The following GRIK1 variants were observed in gnomAD, a reference collection of about 807,000 sequenced individuals.
The protein encoded by GRIK1 is glutamate receptor ionotropic, kainate 1.
A neutral mutation model predicts 105.7 loss-of-function variants in GRIK1; 69 were observed. The observed-to-expected ratio is 0.65, with a 90% CI of 0.54 to 0.80. The LOEUF (loss-of-function observed/expected upper bound fraction) is 0.80, where lower values mean the gene tolerates loss of function less well. Among genes scored for constraint, GRIK1 ranks in the 30% least tolerant of loss-of-function variants. The pLI is 0.00. For synonymous variants in GRIK1, 438 were observed against 431.3 expected (o/e 1.02, Z -0.19); for missense variants, 1,109 against 1,167.3 (o/e 0.95, Z 0.73).
chr21:29,739,629 A>G (rs1202111396), intron 1 of GRIK1, among the ~76,000 whole-genome samples: 1 of 152,202 alleles, frequency 6.6e-6, no homozygotes, highest in Non-Finnish European at 1.5e-5. Flanking sequence ...GTCTTCAGAC[A>G]TTTTTGTTCT....
At chr21:29,679,154 T>C (rs570687974) in intron 3 of GRIK1, among the ~76,000 whole-genome samples, 36 of 152,338 alleles carry the variant, frequency 2.4e-4, no homozygotes, top group Non-Finnish European at 4.3e-4. Flanking sequence ...GCGATTTTCA[T>C]TTCATGTATG....
chr21:29,600,367 T>C (rs1037290268), intron 7 of GRIK1, among the ~76,000 whole-genome samples: 8 of 152,154 alleles, frequency 5.3e-5, no homozygotes, highest in African/African-American at 1.9e-4. Flanking sequence ...AGAACTCACA[T>C]TGGGTATCTC....
chr21:29,722,655 G>A (rs1360796733), intron 1 of GRIK1, among the ~76,000 whole-genome samples: 2 of 151,244 alleles, frequency 1.3e-5, no homozygotes, highest in African/African-American at 4.9e-5. Context: ...TTAGGTGGTA[G>A]TTGAAAGATT....
intron 1 of GRIK1, among the ~76,000 whole-genome samples, chr21:29,935,265 C>T (rs573229549): frequency 2.2e-4 from 33 of 152,210 alleles, no homozygotes; most frequent in African/African-American, 7.7e-4. Context: ...AATGTGTCCA[C>T]GTGGAAAATC....
chr21:29,667,156 C>A (rs2063075512), intron 4 of GRIK1, among the ~76,000 whole-genome samples: 2 of 152,200 alleles, frequency 1.3e-5, no homozygotes, highest in Non-Finnish European at 2.9e-5. Context: ...TGTTTACCAT[C>A]CCTTAGCATA....
At chr21:29,613,608 A>T (rs549033281) in intron 7 of GRIK1, among the ~76,000 whole-genome samples, 3 of 152,176 alleles carry the variant, frequency 2.0e-5, no homozygotes, top group Admixed American at 6.5e-5. Context: ...CTATCTATCT[A>T]TCCATCCACC....
At chr21:29,629,219 T>TGTGTGG (rs1555853110) in intron 7 of GRIK1, among the ~76,000 whole-genome samples, 10,803 of 151,058 alleles carry the variant, frequency 0.072, 659 homozygotes, top group African/African-American at 0.15. Flanking sequence ...TGTGTGTGTG[T>TGTGTGG]GTGTGTGTGT....
At chr21:29,797,678 T>C (rs2066595946) in intron 1 of GRIK1, among the ~76,000 whole-genome samples, 1 of 152,232 alleles carries the variant, frequency 6.6e-6, no homozygotes, top group Non-Finnish European at 1.5e-5. Context: ...GGCAAAATTC[T>C]TCACTAATTT....
At chr21:29,901,971 A>G (rs2146263529) in intron 1 of GRIK1, among the ~76,000 whole-genome samples, 2 of 152,306 alleles carry the variant, frequency 1.3e-5, no homozygotes, top group Middle Eastern at 3.4e-3. Context: ...CTTCATCCCT[A>G]GGATGCAAGG....
intron 1 of GRIK1, among the ~76,000 whole-genome samples, chr21:29,805,442 G>A (rs1187898477): frequency 6.6e-6 from 1 of 152,060 alleles, no homozygotes; most frequent in Non-Finnish European, 1.5e-5. Flanking sequence ...AGTGTTATTA[G>A]CCAATAAATC....
Position 29,934,935 on chromosome 21 carries a change from C to T in GRIK1, c.118+4448G>A, listed in dbSNP as rs528202858. Among the ~76,000 whole-genome samples the T allele has an allele frequency of 1.2e-4, 18 of 152,296 alleles. No homozygotes were observed. The East Asian group carries it at 3.5e-3, about 29-fold the overall frequency. Reference sequence around the variant, plus strand: ...CATGTTAATATTAGTCAGGCACTCCCTTTTATATCACACTATCAGATACCT... The same window carrying T: ...CATGTTAATATTAGTCAGGCACTCCTTTTTATATCACACTATCAGATACCT... On this transcript the variant is annotated intron_variant, in intron 1 of 17. Coordinates refer to ENST00000327783, the MANE Select transcript of GRIK1 (RefSeq NM_001330994.2).
rs202086984 is a variant in GRIK1 at position 29,846,452 on chromosome 21, G to A, written c.118+92931C>T. 4.2e-3 allele frequency among the ~76,000 whole-genome samples: 477 copies of A among 114,386 alleles called. 4 individuals carry two copies. The highest frequency in any genetic ancestry group is 5.4e-3 in the Non-Finnish European group (303 of 55,690). The allele number at this position is 114,386 out of a possible 152,430, so 75.0% of individuals were successfully genotyped here. On this transcript the variant is annotated intron_variant, in intron 1 of 17. Transcript: ENST00000327783. ...AATAAAGAAGGAAAGAAGGAAAGAA[G>A]GAAAGAGAGAGAGAAAGAAAGAAAG...
At chr21:29,638,052 A>G (rs909248914) in intron 7 of GRIK1, among the ~76,000 whole-genome samples, 1 of 152,228 alleles carries the variant, frequency 6.6e-6, no homozygotes, top group African/African-American at 2.4e-5. Flanking sequence ...CACCAATAAC[A>G]GTAATAAGAA....
At chr21:29,620,877 C>A (rs1288428128) in intron 7 of GRIK1, among the ~76,000 whole-genome samples, 4 of 131,448 alleles carry the variant, frequency 3.0e-5, no homozygotes, top group African/African-American at 8.7e-5. Context: ...ATATTATTTC[C>A]TAGAGCAATG....
In GRIK1 at chr21:29,589,155, A is replaced by G. The variant is rs1167813084; in HGVS notation, c.1366-113T>C. On this transcript the variant is annotated intron_variant, in intron 10 of 17. Coordinates refer to ENST00000327783, the MANE Select transcript of GRIK1 (RefSeq NM_001330994.2). ...ATAATGATTTTGAAGAGCTGAGAGT[A>G]CTGAAGTCATTCACTCATCTGCCTG... The G allele has an allele frequency of 4.6e-6, 3 of 653,930 alleles. No individual in the cohort carries two copies. The Admixed American group carries it at 7.8e-5, about 17-fold the overall frequency. The allele number at this position is 653,930 out of a possible 1,614,324, so 40.5% of individuals were successfully genotyped here.
At chr21:29,779,015 A>T (rs1172721150) in intron 1 of GRIK1, among the ~76,000 whole-genome samples, 1 of 152,228 alleles carries the variant, frequency 6.6e-6, no homozygotes, top group African/African-American at 2.4e-5. Flanking sequence ...TAATGCCCCC[A>T]AGAAAATAAG....
chr21:29,638,703 A>T lies in GRIK1; in HGVS notation c.1098+4123T>A, dbSNP rs1463539085. ...AATTATACATGTACATTTTTTCTGT[A>T]AGTTCATTTCAAGAAAAGGTGTTAA... On this transcript the variant is annotated intron_variant, in intron 7 of 17. Transcript: ENST00000327783. 2.6e-5 allele frequency among the ~76,000 whole-genome samples: 4 copies of T among 152,340 alleles called. No individual in the cohort carries two copies. The East Asian group carries it at 7.7e-4, about 29-fold the overall frequency.
intron 2 of GRIK1, 135 bp downstream of exon 2, chr21:29,693,761 A>G (rs1052552789): frequency 1.5e-6 from 1 of 664,766 alleles, no homozygotes. Context: ...GATCAGTGAC[A>G]TCGAAGACCC....
At chr21:29,740,815 C>T (rs1181116452) in intron 1 of GRIK1, among the ~76,000 whole-genome samples, 4 of 152,164 alleles carry the variant, frequency 2.6e-5, no homozygotes, top group South Asian at 2.1e-4. Context: ...TCATTATACC[C>T]GTGACAAGGC....
Sources: gnomAD v4.1 joint callset for allele counts (sites outside exome capture counted in the v4.1 genomes callset) on GRCh38, gnomAD v4.1.1 for gene constraint, MANE v1.5 for transcripts, NCBI Gene and HGNC (gene_info 2026-07-23, HGNC 2026-07-21) for gene names.